Variants in CPT1A observed in about 807,000 individuals in gnomAD.
CPT1A encodes carnitine O-palmitoyltransferase 1, liver isoform.
CPT1A carries 64 observed loss-of-function variants against 100.8 expected under a neutral mutation model. That is an observed-to-expected ratio of 0.63 (90% CI 0.52 to 0.78). The LOEUF (loss-of-function observed/expected upper bound fraction) is 0.78. Among genes scored for constraint, CPT1A ranks in the 30% least tolerant of loss-of-function variants. CPT1A has a pLI of 0.00. For missense variants in CPT1A, 802 were observed against 1,034.1 expected (o/e 0.78, Z 3.08); for synonymous variants, 363 against 396.0 (o/e 0.92, Z 0.99).
intron 1 of CPT1A, among the ~76,000 whole-genome samples, chr11:68,817,421 G>A (rs1191017231): frequency 1.3e-5 from 2 of 152,128 alleles, no homozygotes; most frequent in African/African-American, 4.8e-5. Context: ...CCTCCAACGT[G>A]CCAGCCGAGG....
chr11:68,778,558 T>C (rs1373163518), intron 12 of CPT1A, among the ~76,000 whole-genome samples: 1 of 151,766 alleles, frequency 6.6e-6, no homozygotes, highest in East Asian at 2.0e-4. Context: ...TATCCGGGCA[T>C]GGTGGCATGT....
In CPT1A at chr11:68,794,459, A is replaced by T. The variant is rs192946238; in HGVS notation, c.879+345T>A. Among the ~76,000 whole-genome samples, 17 of 152,116 alleles carry T rather than the reference A, an allele frequency of 1.1e-4. No homozygotes were observed. The East Asian group carries it at 2.9e-3, about 26-fold the overall frequency. ...GAGTTTTGCTCTTATAACCCAGGCTAGAGTGCAATGGTGTTATCTTGGCTC... is the reference window on the plus strand; with the variant it reads ...GAGTTTTGCTCTTATAACCCAGGCTTGAGTGCAATGGTGTTATCTTGGCTC... On this transcript the variant is annotated intron_variant, in intron 8 of 18. Transcript: ENST00000265641.
chr11:68,828,849 C>A (rs1342286451), intron 1 of CPT1A, among the ~76,000 whole-genome samples: 1 of 152,176 alleles, frequency 6.6e-6, no homozygotes, highest in Non-Finnish European at 1.5e-5. Context: ...CCTTCTTCCT[C>A]CTGGGGGAGG....
intron 13 of CPT1A, among the ~76,000 whole-genome samples, chr11:68,774,908 T>C (rs943988742): frequency 4.6e-5 from 7 of 151,956 alleles, no homozygotes; most frequent in African/African-American, 1.7e-4. Flanking sequence ...CTCCTGTGAA[T>C]GGGCTGCCTC....
chr11:68,784,849 C>A lies in CPT1A; in HGVS notation c.1129G>T (p.Glu377Ter). Residue 377 changes from glutamate (E) to a stop codon, truncating the protein, a stop_gained, in exon 10 of 19, where the codon GAG (glutamate) becomes TAG (stop). Transcript: ENST00000265641. LOFTEE classifies it high-confidence loss of function. ...LDNTSEPQPG[E>*]ARLAALTAGD... ...GCGGTGAGGGCTGCCAGCCTGGCCT[C>A]CCCGGGCTGAGGCTCCGAGGTATTG... The A allele has an allele frequency of 6.2e-7, 1 of 1,612,726 alleles. No individual in the cohort carries two copies. The highest frequency in any genetic ancestry group is 8.5e-7 in the Non-Finnish European group (1 of 1,180,024).
intron 1 of CPT1A, among the ~76,000 whole-genome samples, chr11:68,825,715 C>G (rs982692378): frequency 6.6e-6 from 1 of 152,048 alleles, no homozygotes; most frequent in African/African-American, 2.4e-5. Flanking sequence ...CCCAGCCAGC[C>G]TCTTCCAGGT....
intron 6 of CPT1A, among the ~76,000 whole-genome samples, chr11:68,797,507 C>CA (rs1271050195): frequency 6.6e-6 from 1 of 151,918 alleles, no homozygotes; most frequent in African/African-American, 2.4e-5. Context: ...TCCATCTCTC[C>CA]AAAAAATTTT....
At chr11:68,802,290 T>C (rs190589001) in intron 5 of CPT1A, among the ~76,000 whole-genome samples, 2 of 152,206 alleles carry the variant, frequency 1.3e-5, no homozygotes, top group East Asian at 1.9e-4. Context: ...CATTTTACCA[T>C]AATTTTTTTA....
At chr11:68,807,927 G>A (rs375198802) in intron 3 of CPT1A, among the ~76,000 whole-genome samples, 56 of 152,338 alleles carry the variant, frequency 3.7e-4, no homozygotes, top group African/African-American at 1.3e-3. Flanking sequence ...CGATCTGCTC[G>A]GGTGGCCTCG....
At chr11:68,812,342 C>T (rs1856236383) in intron 3 of CPT1A, 95 bp downstream of exon 3, 1 of 1,515,896 alleles carries the variant, frequency 6.6e-7, no homozygotes. Flanking sequence ...ATATGGAATC[C>T]AGAACAGTGA....
At chr11:68,807,370 G>A in intron 4 of CPT1A, 97 bp downstream of exon 4, 1 of 1,255,396 alleles carries the variant, frequency 8.0e-7, no homozygotes, top group Non-Finnish European at 1.1e-6. Flanking sequence ...AAGCATAGAG[G>A]GAGAAAAGGT....
At chr11:68,780,535 C>T (rs940024446) in intron 12 of CPT1A, 105 bp downstream of exon 12, 100 of 935,304 alleles carry the variant, frequency 1.1e-4, no homozygotes, top group East Asian at 7.4e-4. Context: ...CTGCCCGCCT[C>T]GGCCTCCCAA....
intron 5 of CPT1A, among the ~76,000 whole-genome samples, chr11:68,803,142 A>C (rs1031522996): frequency 3.3e-5 from 5 of 152,198 alleles, no homozygotes; most frequent in African/African-American, 1.2e-4. Context: ...GATAAATAAA[A>C]TATGGTCTAG....
intron 14 of CPT1A, 77 bp downstream of exon 14, chr11:68,773,188 C>T (rs1855040232): frequency 6.2e-7 from 1 of 1,602,432 alleles, no homozygotes; most frequent in Middle Eastern, 2.2e-4. Context: ...CTTCCCTCCC[C>T]ACTGGGTGAA....
chr11:68,787,431 CA>C (rs773513607), intron 9 of CPT1A, among the ~76,000 whole-genome samples: 430 of 106,652 alleles, frequency 4.0e-3, no homozygotes, highest in Middle Eastern at 0.01. Context: ...GACTCTGTCT[CA>C]AAAAAAAAAA....
chr11:68,763,611 CA>C (rs1199599492), intron 14 of CPT1A, among the ~76,000 whole-genome samples: 1 of 152,124 alleles, frequency 6.6e-6, no homozygotes, highest in African/African-American at 2.4e-5. Context: ...CTGGCAGATG[CA>C]CAGGGAAGGT....
In CPT1A at chr11:68,812,567, T is replaced by A. The variant is rs1248835397; in HGVS notation, c.151A>T (p.Ile51Phe). 2 of 1,614,186 alleles carry A rather than the reference T, an allele frequency of 1.2e-6. No individual in the cohort carries two copies. Among genetic ancestry groups the A allele is most frequent in the Non-Finnish European group, 1.7e-6 (2 of 1,180,020 alleles). Residue 51 changes from isoleucine to phenylalanine, a missense_variant, in exon 3 of 19, where the codon ATC (isoleucine) becomes TTC (phenylalanine). This residue lies in a region of CPT1A where 161 missense variants were observed against 183.7 expected (regional missense o/e 0.88). Transcript: ENST00000265641. ...GGGCTTGCCGGGTACACGCCAGTGA[T>A]GATGCCGTTCTAAAGACAGACACCC... Reference protein sequence around the residue: ...KKFIRFKNGIITGVYPASPSS... With the variant: ...KKFIRFKNGIFTGVYPASPSS...
intron 1 of CPT1A, among the ~76,000 whole-genome samples, chr11:68,830,228 G>A (rs114052221): frequency 0.062 from 9,469 of 152,156 alleles, 423 homozygotes; most frequent in South Asian, 0.14. Flanking sequence ...CAGCAAGCCC[G>A]GACTGTGCCA....
intron 5 of CPT1A, among the ~76,000 whole-genome samples, chr11:68,802,238 T>A (rs1374356666): frequency 2.0e-5 from 3 of 151,554 alleles, no homozygotes; most frequent in Non-Finnish European, 4.4e-5. Flanking sequence ...GCCCCTGAAC[T>A]GTACACTTGA....
Sources: allele counts gnomAD v4.1 joint callset (sites outside exome capture counted in the v4.1 genomes callset), GRCh38; gene constraint gnomAD v4.1.1; regional missense constraint gnomAD v4.1.1; transcripts MANE v1.5; gene names NCBI Gene and HGNC (gene_info 2026-07-23, HGNC 2026-07-21).